The following ZC3H12B variants were observed in gnomAD, a reference collection of about 807,000 sequenced individuals.
ZC3H12B encodes zinc finger CCCH-type containing 12B.
A neutral mutation model predicts 43.9 loss-of-function variants in ZC3H12B; 7 were observed. The observed-to-expected ratio is 0.16, with a 90% CI of 0.09 to 0.30. The LOEUF is 0.30. ZC3H12B is among the 10% of genes least tolerant of loss of function. The pLI, the probability that ZC3H12B is intolerant of heterozygous loss-of-function variation, is 1.00. For missense variants in ZC3H12B, 475 were observed against 670.2 expected (o/e 0.71, Z 3.22); for synonymous variants, 222 against 241.7 (o/e 0.92, Z 0.76).
chrX:65,454,635 T>C (rs974166147), intron 3 of ZC3H12B, among the ~76,000 whole-genome samples: 3 of 111,741 alleles, frequency 2.7e-5, no homozygotes, highest in African/African-American at 9.8e-5. Context: ...AGAGTAGTGG[T>C]TCTCCAGCAC....
the ZC3H12B span, among the ~76,000 whole-genome samples, chrX:65,135,772 A>T: frequency 1.2e-4 from 10 of 85,603 alleles, no homozygotes; most frequent in African/African-American, 2.8e-4. Context: ...TTTTTGAGTA[A>T]TTTTTTCTGC....
At chrX:65,410,878 C>T (rs2066896093) in intron 3 of ZC3H12B, among the ~76,000 whole-genome samples, 2 of 112,158 alleles carry the variant, frequency 1.8e-5, no homozygotes, top group Admixed American at 1.9e-4. Flanking sequence ...AGTAGCACAA[C>T]CACTATATTG....
chrX:65,117,761 T>G, the ZC3H12B span, among the ~76,000 whole-genome samples: 1 of 111,768 alleles, frequency 8.9e-6, no homozygotes, highest in Non-Finnish European at 1.9e-5. Context: ...AAGGGATCCA[T>G]TTTCAGCTTT....
intron 3 of ZC3H12B, among the ~76,000 whole-genome samples, chrX:65,411,463 C>G (rs2066902221): frequency 9.0e-6 from 1 of 111,481 alleles, no homozygotes; most frequent in Non-Finnish European, 1.9e-5. Context: ...CATGGTGGCT[C>G]ATGCCTGTAA....
At chrX:65,194,193 A>G in the ZC3H12B span, among the ~76,000 whole-genome samples, 1 of 93,527 alleles carries the variant, frequency 1.1e-5, no homozygotes, top group African/African-American at 4.0e-5. Context: ...ATGGATTTTG[A>G]TGTGTCACAT....
At chrX:65,506,840 T>C (rs1337991867) in exon 5 of ZC3H12B, 2 of 110,819 alleles carry the variant, frequency 1.8e-5, no homozygotes, top group African/African-American at 6.6e-5. Context: ...TATCGAGCCA[T>C]TGCACTCTCT....
chrX:65,046,235 C>T, the ZC3H12B span, among the ~76,000 whole-genome samples: 1 of 111,965 alleles, frequency 8.9e-6, no homozygotes, highest in Non-Finnish European at 1.9e-5. Context: ...TGACTTCTCT[C>T]TAACTGTGAA....
chrX:65,202,194 T>C, the ZC3H12B span, among the ~76,000 whole-genome samples: 5 of 91,172 alleles, frequency 5.5e-5, no homozygotes, highest in African/African-American at 1.5e-4. Context: ...ATATATTATA[T>C]ATAATATATA....
the ZC3H12B span, among the ~76,000 whole-genome samples, chrX:65,092,914 G>A: frequency 8.9e-6 from 1 of 111,794 alleles, no homozygotes; most frequent in African/African-American, 3.3e-5. Flanking sequence ...TGGGAAAAAG[G>A]CCTCCAAGGC....
intron 2 of ZC3H12B, among the ~76,000 whole-genome samples, chrX:65,393,870 A>G (rs2066660327): frequency 8.9e-6 from 1 of 111,968 alleles, no homozygotes; most frequent in Admixed American, 9.4e-5. Flanking sequence ...TATTGTTTCC[A>G]GACTTTTTAA....
the ZC3H12B span, among the ~76,000 whole-genome samples, chrX:65,174,582 G>A: frequency 3.3e-4 from 37 of 112,001 alleles, no homozygotes; most frequent in African/African-American, 1.2e-3. Flanking sequence ...TGCCAGCGAG[G>A]AGGAATCTAG....
chrX:65,268,246 C>T, the ZC3H12B span, among the ~76,000 whole-genome samples: 8 of 111,918 alleles, frequency 7.1e-5, no homozygotes, highest in Admixed American at 2.8e-4. Context: ...ATGTCAATAA[C>T]GAAGAGACTG....
At chrX:65,452,402 A>T (rs949273245) in intron 3 of ZC3H12B, among the ~76,000 whole-genome samples, 6 of 111,022 alleles carry the variant, frequency 5.4e-5, no homozygotes, top group Admixed American at 9.6e-5. Context: ...CCAAGCTGAG[A>T]ATCAAATCAA....
intron 2 of ZC3H12B, among the ~76,000 whole-genome samples, chrX:65,373,895 A>ATATATATACTATATATATAG (rs2066284655): frequency 1.8e-4 from 4 of 21,862 alleles, no homozygotes; most frequent in Non-Finnish European, 2.3e-4. Flanking sequence ...AAGTATAGTA[A>ATATATATACTATATATATAG]TATATATATA....
the ZC3H12B span, among the ~76,000 whole-genome samples, chrX:65,212,518 TTTA>T: frequency 5.5e-5 from 4 of 72,927 alleles, no homozygotes; most frequent in Admixed American, 2.3e-4. Context: ...ATACAATATT[TTTA>T]TTATATTACA....
intron 3 of ZC3H12B, among the ~76,000 whole-genome samples, chrX:65,460,041 A>G (rs908249994): frequency 8.9e-6 from 1 of 112,095 alleles, no homozygotes; most frequent in African/African-American, 3.2e-5. Context: ...TATGAAAATC[A>G]CAAGCATTTT....
the ZC3H12B span, among the ~76,000 whole-genome samples, chrX:65,057,603 G>C: frequency 9.0e-5 from 10 of 111,198 alleles, no homozygotes; most frequent in Non-Finnish European, 9.4e-5. Context: ...GGCATTCTCT[G>C]TATTTCCTGA....
intron 2 of ZC3H12B, among the ~76,000 whole-genome samples, chrX:65,382,183 C>T (rs1365487062): frequency 9.0e-6 from 1 of 110,821 alleles, no homozygotes; most frequent in Admixed American, 9.6e-5. Flanking sequence ...GCTTGATGAA[C>T]ATTGATGCAA....
intron 2 of ZC3H12B, among the ~76,000 whole-genome samples, chrX:65,383,868 A>T (rs2066481392): frequency 9.3e-6 from 1 of 107,519 alleles, no homozygotes; most frequent in South Asian, 4.2e-4. Context: ...GTCAGGAAAC[A>T]ACAGGTGCTG....
Sources: allele counts gnomAD v4.1 joint callset (sites outside exome capture counted in the v4.1 genomes callset), GRCh38; gene constraint gnomAD v4.1.1; transcripts MANE v1.5; gene names NCBI Gene and HGNC (gene_info 2026-07-23, HGNC 2026-07-21).